Variants in AGBL4 observed in about 807,000 individuals in gnomAD.
AGBL4 encodes cytosolic carboxypeptidase 6.
AGBL4 carries 58 observed loss-of-function variants against 66.4 expected under a neutral mutation model. The ratio of observed to expected loss-of-function variants is 0.87; its 90% CI spans 0.71 to 1.09. AGBL4 has a LOEUF of 1.09. Ranked by LOEUF, AGBL4 falls within the 50% of genes least tolerant of loss-of-function variation. The pLI is 0.00. For synonymous variants in AGBL4, 234 were observed against 222.9 expected, an observed-to-expected ratio of 1.05 and a Z score of -0.44; for missense variants, 579 against 631.0, an observed-to-expected ratio of 0.92 and a Z score of 0.88.
At chr1:48,993,624 C>T (rs1660778848) in intron 5 of AGBL4, among the ~76,000 whole-genome samples, 1 of 152,132 alleles carries the variant, frequency 6.6e-6, no homozygotes, top group African/African-American at 2.4e-5. Context: ...TTTAATACCC[C>T]AAAGCACTTT....
chr1:48,862,677 G>A (rs1412110194), intron 6 of AGBL4, among the ~76,000 whole-genome samples: 2 of 152,112 alleles, frequency 1.3e-5, no homozygotes, highest in Admixed American at 6.6e-5. Context: ...TCTGCAAATG[G>A]CAAGTGACTG....
intron 6 of AGBL4, among the ~76,000 whole-genome samples, chr1:48,796,289 C>T (rs1645672794): frequency 6.6e-6 from 1 of 152,212 alleles, no homozygotes; most frequent in Admixed American, 6.5e-5. Flanking sequence ...CCTATTTTCT[C>T]ACCTCTGCAT....
intron 3 of AGBL4, among the ~76,000 whole-genome samples, chr1:49,404,548 CTATT>C (rs1438496658): frequency 6.6e-6 from 1 of 152,156 alleles, no homozygotes; most frequent in East Asian, 1.9e-4. Flanking sequence ...CTGTGATTAT[CTATT>C]TATTCCTATG....
intron 4 of AGBL4, among the ~76,000 whole-genome samples, chr1:49,113,599 G>GT (rs1030444552): frequency 6.6e-6 from 1 of 152,112 alleles, no homozygotes; most frequent in African/African-American, 2.4e-5. Context: ...TTTCTAGAAG[G>GT]TTTTCAGTTT....
chr1:49,166,203 G>T (rs1184932170), intron 4 of AGBL4, among the ~76,000 whole-genome samples: 2 of 152,036 alleles, frequency 1.3e-5, no homozygotes, highest in African/African-American at 4.8e-5. Context: ...GAGCATCGGG[G>T]TCTTTATCTT....
intron 3 of AGBL4, among the ~76,000 whole-genome samples, chr1:49,509,019 C>G (rs1244987577): frequency 6.6e-6 from 1 of 151,766 alleles, no homozygotes; most frequent in Non-Finnish European, 1.5e-5. Context: ...CCAAACACCC[C>G]AAACACAAAG....
At chr1:49,094,461 T>A (rs1365699172) in intron 4 of AGBL4, among the ~76,000 whole-genome samples, 2 of 152,104 alleles carry the variant, frequency 1.3e-5, no homozygotes, top group Non-Finnish European at 2.9e-5. Context: ...GTTTTTGTCG[T>A]TGGTTCTGTT....
intron 3 of AGBL4, among the ~76,000 whole-genome samples, chr1:49,440,414 T>G (rs1285492463): frequency 1.3e-5 from 2 of 152,138 alleles, no homozygotes; most frequent in Non-Finnish European, 2.9e-5. Flanking sequence ...GTCCTTGGCG[T>G]GAACTGTATA....
intron 6 of AGBL4, among the ~76,000 whole-genome samples, chr1:48,776,110 GA>G (rs2148708630): frequency 6.6e-6 from 1 of 152,286 alleles, no homozygotes; most frequent in Non-Finnish European, 1.5e-5. Flanking sequence ...CTCCCACCTA[GA>G]AGATCTGACA....
intron 3 of AGBL4, among the ~76,000 whole-genome samples, chr1:49,407,013 C>T (rs961877483): frequency 4.5e-5 from 6 of 132,348 alleles, no homozygotes; most frequent in African/African-American, 1.8e-4. Flanking sequence ...TGCAGTGAGC[C>T]GAGATAACGC....
chr1:49,489,651 C>A (rs1647147197), intron 3 of AGBL4, among the ~76,000 whole-genome samples: 1 of 151,662 alleles, frequency 6.6e-6, no homozygotes, highest in South Asian at 2.1e-4. Context: ...TTCCTTGTAG[C>A]AATTTTATAG....
At chr1:48,699,906 TATAC>T (rs1455919285) in intron 6 of AGBL4, among the ~76,000 whole-genome samples, 1 of 148,760 alleles carries the variant, frequency 6.7e-6, no homozygotes, top group Non-Finnish European at 1.5e-5. Context: ...TTTTATTTTA[TATAC>T]ATACATACAT....
chr1:49,948,999 C>T (rs577135576), intron 1 of AGBL4, among the ~76,000 whole-genome samples: 1 of 151,772 alleles, frequency 6.6e-6, no homozygotes, highest in Admixed American at 6.6e-5. Flanking sequence ...TAAAAATAGG[C>T]ACATAGACCA....
At chr1:48,579,294 C>T (rs1001202820) in intron 11 of AGBL4, among the ~76,000 whole-genome samples, 1 of 152,014 alleles carries the variant, frequency 6.6e-6, no homozygotes, top group African/African-American at 2.4e-5. Context: ...ATGGCATGAT[C>T]TCAGCTCACT....
At chr1:49,349,745 G>A (rs1018147399) in intron 3 of AGBL4, among the ~76,000 whole-genome samples, 1 of 152,096 alleles carries the variant, frequency 6.6e-6, no homozygotes, top group Admixed American at 6.5e-5. Context: ...CTAATCCCCA[G>A]TATCTCAGAA....
chr1:49,437,088 A>G, intron 3 of AGBL4, among the ~76,000 whole-genome samples: 1 of 152,272 alleles, frequency 6.6e-6, no homozygotes, highest in East Asian at 1.9e-4. Flanking sequence ...AGGGTTGGGT[A>G]TCAGAGTCTG....
At chr1:48,529,035 T>A (rs1053241675), downstream of AGBL4, among the ~76,000 whole-genome samples, 2 of 151,846 alleles carry the variant, frequency 1.3e-5, no homozygotes, top group African/African-American at 4.8e-5. Context: ...GGGTTCAGGG[T>A]TTTTGGGTGA....
intron 5 of AGBL4, among the ~76,000 whole-genome samples, chr1:49,023,221 G>A (rs1299583457): frequency 6.6e-6 from 1 of 152,124 alleles, no homozygotes; most frequent in Non-Finnish European, 1.5e-5. Context: ...CTACCTTGAG[G>A]CCTGGAGGCC....
chr1:50,001,463 G>A (rs553854965), intron 1 of AGBL4, among the ~76,000 whole-genome samples: 33 of 149,592 alleles, frequency 2.2e-4, no homozygotes, highest in Admixed American at 6.7e-4. Flanking sequence ...GTGTGTGTCC[G>A]TATATGTGTG....
Sources: allele counts gnomAD v4.1 joint callset (sites outside exome capture counted in the v4.1 genomes callset), GRCh38; gene constraint gnomAD v4.1.1; transcripts MANE v1.5; gene names NCBI Gene and HGNC (gene_info 2026-07-23, HGNC 2026-07-21).